Variants in RPRD2 observed in about 807,000 individuals in gnomAD.
The protein encoded by RPRD2 is regulation of nuclear pre-mRNA domain-containing protein 2.
In RPRD2, 12 loss-of-function variants were observed where a neutral mutation model predicts 104.4. The ratio of observed to expected loss-of-function variants is 0.11; its 90% CI spans 0.07 to 0.19. The LOEUF (loss-of-function observed/expected upper bound fraction) is 0.19, where lower values mean the gene tolerates loss of function less well. Among genes scored for constraint, RPRD2 ranks in the 10% least tolerant of loss-of-function variants. The pLI is 1.00. For synonymous variants in RPRD2, 714 were observed against 684.9 expected, an observed-to-expected ratio of 1.04 and a Z score of -0.66; for missense variants, 1,543 against 1,790.1, an observed-to-expected ratio of 0.86 and a Z score of 2.49.
chr1:150,411,417 C>T (rs1312822197), intron 1 of RPRD2, among the ~76,000 whole-genome samples: 2 of 137,722 alleles, frequency 1.5e-5, no homozygotes, highest in Admixed American at 1.5e-4. Context: ...GCCGAGATCG[C>T]GCCACTGCAC....
intron 2 of RPRD2, among the ~76,000 whole-genome samples, chr1:150,427,721 C>T (rs587707188): frequency 6.6e-6 from 1 of 152,202 alleles, no homozygotes; most frequent in Admixed American, 6.5e-5. Flanking sequence ...ATCTCTTGAG[C>T]CCAGGAGGTC....
chr1:150,433,848 A>G (rs926242250), intron 2 of RPRD2, among the ~76,000 whole-genome samples: 3 of 144,044 alleles, frequency 2.1e-5, no homozygotes, highest in Non-Finnish European at 4.5e-5. Context: ...TATGTTATAT[A>G]TATGTTATAT....
At chr1:150,394,003 C>T (rs1176512786) in intron 1 of RPRD2, among the ~76,000 whole-genome samples, 1 of 151,904 alleles carries the variant, frequency 6.6e-6, no homozygotes, top group African/African-American at 2.4e-5. Flanking sequence ...CGCTTTATAT[C>T]GGCTGGTGTT....
At position 150,473,699 on chromosome 1, in the gene RPRD2, A is replaced by G. The variant is rs1038907278; in HGVS notation, c.*365A>G. On this transcript the variant is annotated 3_prime_UTR_variant, in exon 11 of 11. Transcript: ENST00000369068. The stretch of plus-strand genomic sequence containing the variant: ...TTATTACATTTGAAATAAAACTTCC[A>G]TCAGTACAGATAACCACATGTGCAA... 17 of 164,408 alleles carry G rather than the reference A, an allele frequency of 1.0e-4. 1 individual carries two copies. The highest frequency in any genetic ancestry group is 2.2e-4 in the Non-Finnish European group (17 of 76,042). 10.2% of individuals were successfully genotyped at this position (164,408 alleles called of 1,614,324 possible).
chr1:150,457,925 T>C (rs1572516535), intron 8 of RPRD2, among the ~76,000 whole-genome samples: 1 of 152,004 alleles, frequency 6.6e-6, no homozygotes, highest in South Asian at 2.1e-4. Flanking sequence ...ACAAAACTTA[T>C]CCGGGTATGG....
In RPRD2 at chr1:150,405,490, T is replaced by C. The variant is rs587602985; in HGVS notation, c.206-12106T>C. ...TTTGGTAGCATATAATTCCGTAGGC[T>C]GAATCATATTAAGAGAGTAAATCAG... On this transcript the variant is annotated intron_variant, in intron 1 of 10. Coordinates refer to ENST00000369068, the MANE Select transcript of RPRD2 (RefSeq NM_015203.5). 5.3e-5 allele frequency among the ~76,000 whole-genome samples: 8 copies of C among 152,224 alleles called. No homozygotes were observed. In the East Asian group the frequency reaches 1.5e-3, roughly 29 times the overall value.
At chr1:150,423,257 G>C (rs1476671251) in intron 2 of RPRD2, among the ~76,000 whole-genome samples, 1 of 152,116 alleles carries the variant, frequency 6.6e-6, no homozygotes, top group Non-Finnish European at 1.5e-5. Context: ...GTTACACTTG[G>C]GAAACTGTGG....
At chr1:150,442,626 C>G (rs999418117) in intron 4 of RPRD2, among the ~76,000 whole-genome samples, 1 of 152,110 alleles carries the variant, frequency 6.6e-6, no homozygotes, top group Non-Finnish European at 1.5e-5. Flanking sequence ...TTTGCTCCAG[C>G]GAGCATATGA....
chr1:150,417,546 A>G (rs1553888793), intron 1 of RPRD2, 50 bp from the exon 2 acceptor site: 2 of 1,416,814 alleles, frequency 1.4e-6, no homozygotes, highest in South Asian at 1.7e-5. Context: ...AGTTGAACTA[A>G]GTGCAAATTG....
chr1:150,397,360 A>C (rs184034932), intron 1 of RPRD2, among the ~76,000 whole-genome samples: 1 of 152,256 alleles, frequency 6.6e-6, no homozygotes, highest in Admixed American at 6.5e-5. Context: ...ATTTACATAC[A>C]CCAAAGTTTA....
intron 1 of RPRD2, among the ~76,000 whole-genome samples, chr1:150,376,454 G>A (rs1230219624): frequency 6.6e-6 from 1 of 151,622 alleles, no homozygotes; most frequent in African/African-American, 2.4e-5. Flanking sequence ...AGCTGTTTTT[G>A]TGTTCCTTTA....
Position 150,473,102 on chromosome 1 carries a change from G to A in RPRD2, c.4154G>A (p.Gly1385Glu), listed in dbSNP as rs1190862895. The change falls in exon 11 of 11, where the codon GGA becomes GAA. Residue 1385 changes from glycine to glutamate, a missense_variant. Coordinates refer to ENST00000369068, the MANE Select transcript of RPRD2 (RefSeq NM_015203.5). The part of the protein sequence containing the change: ...SLEHLGPPHG[G>E]GGGGGSNSSS... The stretch of plus-strand genomic sequence containing the variant: ...GAACACCTGGGCCCACCCCATGGAG[G>A]AGGAGGTGGGGGAGGCAGCAACAGC... 6.2e-7 allele frequency: 1 copy of A among 1,614,006 alleles called. No homozygotes were observed. Among genetic ancestry groups the A allele is most frequent in the South Asian group, 1.1e-5 (1 of 91,088 alleles).
In RPRD2 at chr1:150,364,470, C is replaced by A. The variant is rs1455980758; in HGVS notation, c.-245C>A. Among the ~76,000 whole-genome samples, 5 of 152,020 alleles carry A rather than the reference C, an allele frequency of 3.3e-5. No homozygotes were observed. Among genetic ancestry groups the A allele is most frequent in the African/African-American group, 1.2e-4 (5 of 41,382 alleles). ...ACTGGTTTAAACACGACCCCTTGAA[C>A]AATATTGATAAAACCTCCGAGACCC... On this transcript the variant is annotated 5_prime_UTR_variant, in exon 1 of 11. Coordinates refer to ENST00000369068, the MANE Select transcript of RPRD2 (RefSeq NM_015203.5).
At chr1:150,427,648 A>T (rs1052095394) in intron 2 of RPRD2, among the ~76,000 whole-genome samples, 1 of 151,910 alleles carries the variant, frequency 6.6e-6, no homozygotes, top group Non-Finnish European at 1.5e-5. Flanking sequence ...TAAATACAAA[A>T]ATTAGCTGGA....
intron 9 of RPRD2, among the ~76,000 whole-genome samples, chr1:150,462,514 G>A (rs782035026): frequency 2.8e-4 from 43 of 151,794 alleles, no homozygotes; most frequent in Non-Finnish European, 4.9e-4. Flanking sequence ...CTTTGCAAGG[G>A]TTAAGTATAT....
At chr1:150,457,616 T>A in intron 8 of RPRD2, 46 bp downstream of exon 8, 1 of 1,560,006 alleles carries the variant, frequency 6.4e-7, no homozygotes, top group Non-Finnish European at 8.8e-7. Flanking sequence ...TTATCTGTTT[T>A]GCCTTCTCAG....
At chr1:150,430,030 A>G (rs1331458707) in intron 2 of RPRD2, among the ~76,000 whole-genome samples, 2 of 152,220 alleles carry the variant, frequency 1.3e-5, no homozygotes, top group Admixed American at 1.3e-4. Context: ...GTTGTTCTAT[A>G]TGAACACATT....
chr1:150,410,031 G>A (rs927206378), intron 1 of RPRD2, among the ~76,000 whole-genome samples: 1 of 152,110 alleles, frequency 6.6e-6, no homozygotes, highest in African/African-American at 2.4e-5. Context: ...GTGATTGAAC[G>A]AGCCATGAGA....
rs370805864 is a variant in RPRD2 at position 150,443,890 on chromosome 1, C to T, written c.568-361C>T. Among the ~76,000 whole-genome samples, 22 of 150,590 alleles carry T rather than the reference C, an allele frequency of 1.5e-4. No homozygotes were observed. In the South Asian group the frequency reaches 3.8e-3, roughly 26 times the overall value. On this transcript the variant is annotated intron_variant, in intron 5 of 10. Transcript: ENST00000369068. Reference sequence around the variant, plus strand: ...AAAATTAGCTGGGCGTGGTGGCGGGCGCCTGTAGTCCCAGCTACTCAGGAG... The same window carrying T: ...AAAATTAGCTGGGCGTGGTGGCGGGTGCCTGTAGTCCCAGCTACTCAGGAG...
Sources: gnomAD v4.1 joint callset for allele counts (sites outside exome capture counted in the v4.1 genomes callset) on GRCh38, gnomAD v4.1.1 for gene constraint, MANE v1.5 for transcripts, NCBI Gene and HGNC (gene_info 2026-07-23, HGNC 2026-07-21) for gene names.